The following MN1 variants were observed in gnomAD, a reference collection of about 807,000 sequenced individuals.
MN1 encodes the protein MN1 proto-oncogene, transcriptional regulator.
Under a neutral mutation model 86.9 loss-of-function variants are expected in MN1, and 19 were observed. That is an observed-to-expected ratio of 0.22 (90% CI 0.15 to 0.32). MN1 has a LOEUF of 0.32. Ranked by LOEUF, MN1 falls within the 10% of genes least tolerant of loss-of-function variation. The pLI, the probability that MN1 is intolerant of heterozygous loss-of-function variation, is 1.00. For synonymous variants in MN1, 928 were observed against 849.6 expected (o/e 1.09, Z -1.60); for missense variants, 1,841 against 1,862.0 (o/e 0.99, Z 0.21).
chr22:27,772,285 G>A (rs560994269), intron 1 of MN1, among the ~76,000 whole-genome samples: 36 of 152,288 alleles, frequency 2.4e-4, no homozygotes, highest in Admixed American at 4.6e-4. Flanking sequence ...CAGAGAAATT[G>A]CCCAAGACTA....
chr22:27,795,214 G>A (rs529351996), intron 1 of MN1, among the ~76,000 whole-genome samples: 17 of 152,150 alleles, frequency 1.1e-4, no homozygotes, highest in African/African-American at 1.9e-4. Context: ...CGTCCCGGGC[G>A]TCCTGGGCTG....
intron 1 of MN1, among the ~76,000 whole-genome samples, chr22:27,771,019 A>G (rs1307239065): frequency 6.6e-6 from 1 of 152,154 alleles, no homozygotes; most frequent in Admixed American, 6.5e-5. Flanking sequence ...GAAAATAATA[A>G]TAGTCATTGG....
At position 27,798,831 on chromosome 22, in the gene MN1, G is replaced by T. The variant is rs1933365775; in HGVS notation, c.1713C>A (p.Arg571=). ...MASRNQQQRL[R]QPNLAQLGHP... is the part of the protein sequence containing the mutation. ...GGCCTAGCTGAGCCAGGTTGGGCTGGCGCAGCCGCTGCTGCTGATTCCGCG... is the reference window on the plus strand; with the variant it reads ...GGCCTAGCTGAGCCAGGTTGGGCTGTCGCAGCCGCTGCTGCTGATTCCGCG... The change falls in exon 1 of 2, where the codon CGC becomes CGA. Residue 571 remains arginine, a synonymous_variant. Coordinates refer to ENST00000302326, the MANE Select transcript of MN1 (RefSeq NM_002430.3). 1 of 1,538,542 alleles carries T rather than the reference G, an allele frequency of 6.5e-7. No individual in the cohort carries two copies. The highest frequency in any genetic ancestry group is 1.4e-5 in the African/African-American group (1 of 73,038).
At chr22:27,784,650 A>G (rs994784588) in intron 1 of MN1, among the ~76,000 whole-genome samples, 1 of 152,186 alleles carries the variant, frequency 6.6e-6, no homozygotes, top group Admixed American at 6.5e-5. Flanking sequence ...TGCAGAGGGG[A>G]AAATTGCATT....
At chr22:27,776,143 G>A (rs12159135) in intron 1 of MN1, among the ~76,000 whole-genome samples, 83 of 152,252 alleles carry the variant, frequency 5.5e-4, no homozygotes, top group Middle Eastern at 3.4e-3. Context: ...CGGAATCACC[G>A]GGCACCACTA....
In MN1 at chr22:27,797,036, A is replaced by T. The variant is rs1933309155; in HGVS notation, c.3508T>A (p.Ser1170Thr). The change falls in exon 1 of 2, where the codon TCC (serine) becomes ACC (threonine). Residue 1170 changes from serine (S) to threonine (T), a missense_variant. Coordinates refer to ENST00000302326, the MANE Select transcript of MN1 (RefSeq NM_002430.3). ...IQLQRQQFSI[S>T]EDQPLGLKGG... ...TTCAGCCCCAGAGGCTGGTCCTCGG[A>T]GATGCTGAACTGCTGCCTCTGTAGC... 1 of 1,612,404 alleles carries T rather than the reference A, an allele frequency of 6.2e-7. No homozygotes were observed. Among genetic ancestry groups the T allele is most frequent in the Non-Finnish European group, 8.5e-7 (1 of 1,179,794 alleles).
rs1311697097 is a variant in MN1 at position 27,750,003 on chromosome 22, A to T, written c.*912T>A. 8.6e-6 allele frequency: 2 copies of T among 232,278 alleles called. No individual in the cohort carries two copies. The highest frequency in any genetic ancestry group is 4.4e-5 in the African/African-American group (2 of 45,298). 14.4% of individuals were successfully genotyped at this position (232,278 alleles called of 1,614,324 possible). A position where few individuals can be genotyped will look rare whatever the true frequency, so the allele number is the denominator to read the frequency against. On this transcript the variant is annotated 3_prime_UTR_variant, in exon 2 of 2. Transcript: ENST00000302326. ...CTTGCTCCAAAGACTGCAGGCTGGG[A>T]GCACACCATCCCCCATGCAGACCAA...
chr22:27,765,839 T>C lies in MN1; in HGVS notation c.3782-14743A>G, dbSNP rs556586866. Among the ~76,000 whole-genome samples the C allele has an allele frequency of 4.6e-5, 7 of 152,096 alleles. No homozygotes were observed. The South Asian group carries it at 1.2e-3, about 27-fold the overall frequency. Reference sequence around the variant, plus strand: ...CCTGGTGTGTGCCTGGTGAAGGGGGTGGAGAGAGACGGGGAGCAGCAGGAG... The same window carrying C: ...CCTGGTGTGTGCCTGGTGAAGGGGGCGGAGAGAGACGGGGAGCAGCAGGAG... On this transcript the variant is annotated intron_variant, in intron 1 of 1. Transcript: ENST00000302326.
Position 27,750,848 on chromosome 22 carries a change from T to A in MN1, c.*67A>T. ...AAATTAACAGAGGGGTGGGGTAAGG[T>A]TGAGGGGGAAGGAAACAGACAGGGG... is the stretch of plus-strand genomic sequence containing the variant. On this transcript the variant is annotated 3_prime_UTR_variant, in exon 2 of 2. Coordinates refer to ENST00000302326, the MANE Select transcript of MN1 (RefSeq NM_002430.3). The A allele has an allele frequency of 7.3e-7, 1 of 1,364,402 alleles. No homozygotes were observed. Among genetic ancestry groups the A allele is most frequent in the Non-Finnish European group, 9.9e-7 (1 of 1,008,274 alleles). 84.5% of individuals were successfully genotyped at this position (1,364,402 alleles called of 1,614,324 possible).
rs1474760587 is a variant in MN1, at chr22:27,801,409, G to A, written c.-866C>T. 4.7e-6 allele frequency: 1 copy of A among 211,008 alleles called. No homozygotes were observed. Among genetic ancestry groups the A allele is most frequent in the Non-Finnish European group, 9.6e-6 (1 of 103,694 alleles). The allele number at this position is 211,008 out of a possible 1,614,324, so 13.1% of individuals were successfully genotyped here. A position where few individuals can be genotyped will look rare whatever the true frequency, so the allele number is the denominator to read the frequency against. On this transcript the variant is annotated 5_prime_UTR_variant, in exon 1 of 2. Coordinates refer to ENST00000302326, the MANE Select transcript of MN1 (RefSeq NM_002430.3). Reference sequence around the variant, plus strand: ...TCTCCGCCGTTGGGTGTCTGAGTTCGCCGGAGTCTCCGCGCACCGTTGCAG... The same window carrying A: ...TCTCCGCCGTTGGGTGTCTGAGTTCACCGGAGTCTCCGCGCACCGTTGCAG...
chr22:27,765,646 C>T (rs886859070), intron 1 of MN1, among the ~76,000 whole-genome samples: 3 of 152,206 alleles, frequency 2.0e-5, no homozygotes, highest in Non-Finnish European at 4.4e-5. Context: ...AGTGACCGGC[C>T]GGGCAAGCGG....
chr22:27,750,910 GT>G lies in MN1; in HGVS notation c.*4del, dbSNP rs1319217281. 15 of 1,575,412 alleles carry G rather than the reference GT, an allele frequency of 9.5e-6. No individual in the cohort carries two copies. The African/African-American group carries it at 1.2e-4, about 13-fold the overall frequency. On this transcript the variant is annotated 3_prime_UTR_variant, in exon 2 of 2. Transcript: ENST00000302326. ...CCTGGTAGAGGAGGGGATCTTTCTTGTCATTCAAGTTAGGGCAGCCACGAAT... is the reference window on the plus strand; with the variant it reads ...CCTGGTAGAGGAGGGGATCTTTCTTGCATTCAAGTTAGGGCAGCCACGAAT...
Position 27,800,597 on chromosome 22 carries a change from G to C in MN1, c.-54C>G. 1 of 1,609,112 alleles carries C rather than the reference G, an allele frequency of 6.2e-7. No individual in the cohort carries two copies. On this transcript the variant is annotated 5_prime_UTR_variant, in exon 1 of 2. Transcript: ENST00000302326. ...AGGGCATGACAGCCGGCTCTCCGCGGCGCGCCTCCGGCCAGCTACTCGTTC... is the reference window on the plus strand; with the variant it reads ...AGGGCATGACAGCCGGCTCTCCGCGCCGCGCCTCCGGCCAGCTACTCGTTC...
intron 1 of MN1, among the ~76,000 whole-genome samples, chr22:27,794,383 A>G (rs1933257500): frequency 6.6e-6 from 1 of 152,220 alleles, no homozygotes; most frequent in Non-Finnish European, 1.5e-5. Context: ...TTTATCGAGG[A>G]AACTGTCCTT....
chr22:27,797,744 G>A lies in MN1; in HGVS notation c.2800C>T (p.Pro934Ser). The A allele has an allele frequency of 6.2e-7, 1 of 1,609,604 alleles. No individual in the cohort carries two copies. Among genetic ancestry groups the A allele is most frequent in the Non-Finnish European group, 8.5e-7 (1 of 1,178,910 alleles). Residue 934 changes from proline (P) to serine (S), a missense_variant, in exon 1 of 2, where the codon CCG becomes TCG. Transcript: ENST00000302326. Reference protein sequence around the residue: ...LESTSGNDGKPVSGGGGRGRG... With the variant: ...LESTSGNDGKSVSGGGGRGRG... ...CCCCGGCCGCCGCCCCCGGAGACCG[G>A]CTTGCCGTCATTCCCCGACGTGGAT...
At chr22:27,795,543 T>C (rs193143013) in intron 1 of MN1, among the ~76,000 whole-genome samples, 2 of 151,878 alleles carry the variant, frequency 1.3e-5, no homozygotes, top group African/African-American at 4.8e-5. Context: ...AAAAACAAGG[T>C]TAAAATGCCA....
chr22:27,785,636 C>A (rs565246649), intron 1 of MN1, among the ~76,000 whole-genome samples: 2 of 152,130 alleles, frequency 1.3e-5, no homozygotes, highest in Non-Finnish European at 2.9e-5. Flanking sequence ...CTGCCATAAG[C>A]CAGAACGCCT....
chr22:27,788,586 A>G (rs974233308), intron 1 of MN1, among the ~76,000 whole-genome samples: 7 of 150,784 alleles, frequency 4.6e-5, no homozygotes, highest in African/African-American at 1.7e-4. Context: ...GCGTCTGAAA[A>G]CACTGCTTCA....
chr22:27,768,963 A>C (rs762266619), intron 1 of MN1, among the ~76,000 whole-genome samples: 6 of 152,186 alleles, frequency 3.9e-5, no homozygotes, highest in Non-Finnish European at 7.3e-5. Flanking sequence ...GACAATACTG[A>C]TCTAGAAAAA....
Sources: allele counts gnomAD v4.1 joint callset (sites outside exome capture counted in the v4.1 genomes callset), GRCh38; gene constraint gnomAD v4.1.1; transcripts MANE v1.5; gene names NCBI Gene and HGNC (gene_info 2026-07-23, HGNC 2026-07-21).